Variants in VTI1A observed in about 807,000 individuals in gnomAD.
The protein encoded by VTI1A is vesicle transport through interaction with t-SNAREs homolog 1A.
In VTI1A, 22 loss-of-function variants were observed where a neutral mutation model predicts 34.9. The ratio of observed to expected loss-of-function variants is 0.63; its 90% CI spans 0.45 to 0.90. The LOEUF is 0.90. Among genes scored for constraint, VTI1A ranks in the 40% least tolerant of loss-of-function variants. The pLI, the probability that VTI1A is intolerant of heterozygous loss-of-function variation, is 0.00. For missense variants in VTI1A, 268 were observed against 275.6 expected, an observed-to-expected ratio of 0.97 and a Z score of 0.20; for synonymous variants, 87 against 97.3, an observed-to-expected ratio of 0.89 and a Z score of 0.62.
chr10:112,694,774 G>T (rs548951505), intron 7 of VTI1A, among the ~76,000 whole-genome samples: 1 of 152,086 alleles, frequency 6.6e-6, no homozygotes. Context: ...TTCGAGACTA[G>T]CCTGGCCAAC....
intron 7 of VTI1A, among the ~76,000 whole-genome samples, chr10:112,698,874 T>G: frequency 6.6e-6 from 1 of 152,190 alleles, no homozygotes; most frequent in East Asian, 1.9e-4. Context: ...CACAGCTCCT[T>G]CTGCCAGATG....
intron 3 of VTI1A, among the ~76,000 whole-genome samples, chr10:112,501,328 A>G (rs1358785541): frequency 1.3e-5 from 2 of 152,148 alleles, no homozygotes; most frequent in Admixed American, 1.3e-4. Context: ...TCCTTATTTT[A>G]TGTCATCATA....
At chr10:112,513,060 A>T (rs182487421) in intron 3 of VTI1A, among the ~76,000 whole-genome samples, 104 of 151,958 alleles carry the variant, frequency 6.8e-4, no homozygotes, top group African/African-American at 2.3e-3. Context: ...ATTTTTTTTT[A>T]AATTCTGTGA....
chr10:112,801,812 T>C (rs1219948178), intron 7 of VTI1A, among the ~76,000 whole-genome samples: 1 of 152,242 alleles, frequency 6.6e-6, no homozygotes, highest in Non-Finnish European at 1.5e-5. Flanking sequence ...AAACAGGCAG[T>C]GTGCCAGTGA....
intron 3 of VTI1A, among the ~76,000 whole-genome samples, chr10:112,499,355 T>C (rs940176838): frequency 6.6e-6 from 1 of 152,186 alleles, no homozygotes; most frequent in African/African-American, 2.4e-5. Context: ...CCTGGGTCTC[T>C]GTTCTGAATC....
chr10:112,680,324 G>C (rs945185481), intron 7 of VTI1A, among the ~76,000 whole-genome samples: 1 of 152,016 alleles, frequency 6.6e-6, no homozygotes, highest in Admixed American at 6.6e-5. Flanking sequence ...GTTATTCTTC[G>C]TAAGAACTCT....
chr10:112,571,053 C>T (rs552833709), intron 5 of VTI1A, among the ~76,000 whole-genome samples: 6 of 152,262 alleles, frequency 3.9e-5, no homozygotes, highest in Admixed American at 6.5e-5. Context: ...GTGCTGTTCC[C>T]TGTGTTATCT....
intron 7 of VTI1A, among the ~76,000 whole-genome samples, chr10:112,769,991 G>A (rs1851757799): frequency 6.6e-6 from 1 of 151,884 alleles, no homozygotes; most frequent in Admixed American, 6.6e-5. Context: ...CATATCTTTT[G>A]GAGTTTCCAG....
At chr10:112,774,354 G>C (rs1851897560) in intron 7 of VTI1A, among the ~76,000 whole-genome samples, 1 of 152,132 alleles carries the variant, frequency 6.6e-6, no homozygotes, top group African/African-American at 2.4e-5. Context: ...AGAAGTGGTG[G>C]GAAATCCATG....
chr10:112,565,646 G>A (rs1851883215), intron 5 of VTI1A, among the ~76,000 whole-genome samples: 1 of 152,128 alleles, frequency 6.6e-6, no homozygotes, highest in Non-Finnish European at 1.5e-5. Context: ...TCTACACATA[G>A]GCTGCGCCAT....
intron 3 of VTI1A, among the ~76,000 whole-genome samples, chr10:112,498,902 T>C (rs1849123616): frequency 2.0e-5 from 3 of 152,292 alleles, no homozygotes; most frequent in African/African-American, 4.8e-5. Context: ...CTACCTAAAT[T>C]ATTCTATTTT....
Position 112,467,558 on chromosome 10 carries a change from C to G in VTI1A, c.264+2901C>G, listed in dbSNP as rs559957032. ...AAAGCCATCCTGGGCTGCCTGCAGC[C>G]TGCTGGCCATGGGTTGGACTAGCTT... On this transcript the variant is annotated intron_variant, in intron 3 of 7. Transcript: ENST00000393077. Among the ~76,000 whole-genome samples the G allele has an allele frequency of 1.2e-4, 19 of 152,304 alleles. No individual in the cohort carries two copies. The South Asian group carries it at 3.3e-3, about 27-fold the overall frequency.
intron 3 of VTI1A, among the ~76,000 whole-genome samples, chr10:112,478,615 T>C (rs1301906350): frequency 6.6e-6 from 1 of 152,220 alleles, no homozygotes; most frequent in Non-Finnish European, 1.5e-5. Flanking sequence ...ATTGGATAGC[T>C]TTTGTATTCT....
intron 7 of VTI1A, among the ~76,000 whole-genome samples, chr10:112,802,555 A>G (rs1352030891): frequency 6.6e-6 from 1 of 152,152 alleles, no homozygotes; most frequent in East Asian, 1.9e-4. Flanking sequence ...AGCCCAGCCA[A>G]CCTGAGCTGC....
chr10:112,656,501 G>T (rs969998073), intron 5 of VTI1A, among the ~76,000 whole-genome samples: 1 of 146,922 alleles, frequency 6.8e-6, no homozygotes, highest in Non-Finnish European at 1.5e-5. Context: ...GGGAATACAG[G>T]AGCATACCAC....
Position 112,803,499 on chromosome 10 carries a change from T to G in VTI1A, c.561-11791T>G, listed in dbSNP as rs76506694. Among the ~76,000 whole-genome samples, 1,096 of 152,320 alleles carry G rather than the reference T, an allele frequency of 7.2e-3. 10 individuals carry two copies. Among genetic ancestry groups the G allele is most frequent in the African/African-American group, 0.025 (1,035 of 41,578 alleles). ...GCCGCTTGAATGAGAAAGAGTGTGATAGTGAAACAAGAGTGGACGTGGGGC... is the reference window on the plus strand; with the variant it reads ...GCCGCTTGAATGAGAAAGAGTGTGAGAGTGAAACAAGAGTGGACGTGGGGC... On this transcript the variant is annotated intron_variant, in intron 7 of 7. Coordinates refer to ENST00000393077, the MANE Select transcript of VTI1A (RefSeq NM_145206.4).
chr10:112,737,404 G>A (rs1311585252), intron 7 of VTI1A: 1 of 1,033,034 alleles, frequency 9.7e-7, no homozygotes, highest in African/African-American at 1.7e-5. Flanking sequence ...CCCATAAGAA[G>A]ATAATTAAAA....
chr10:112,565,592 T>TA (rs1851880553), intron 5 of VTI1A, among the ~76,000 whole-genome samples: 1 of 152,200 alleles, frequency 6.6e-6, no homozygotes, highest in African/African-American at 2.4e-5. Flanking sequence ...ATTTACAACT[T>TA]ACACGACTGG....
intron 5 of VTI1A, among the ~76,000 whole-genome samples, chr10:112,605,077 T>C (rs1181462339): frequency 1.3e-5 from 2 of 152,166 alleles, no homozygotes; most frequent in Non-Finnish European, 2.9e-5. Context: ...TTTTAGTTTC[T>C]GTTATGTCCC....
Sources: allele counts gnomAD v4.1 joint callset (sites outside exome capture counted in the v4.1 genomes callset), GRCh38; gene constraint gnomAD v4.1.1; transcripts MANE v1.5; gene names NCBI Gene and HGNC (gene_info 2026-07-23, HGNC 2026-07-21).